GNL3: variants seen among roughly 807,000 people sequenced by gnomAD.
GNL3 encodes guanine nucleotide-binding protein-like 3.
In GNL3, 77 loss-of-function variants were observed where a neutral mutation model predicts 70.6. The observed-to-expected ratio is 1.09, with a 90% CI of 0.91 to 1.32. The LOEUF is 1.32. Among genes scored for constraint, GNL3 ranks in the 40% most tolerant of loss-of-function variants. The pLI is 0.00. For missense variants in GNL3, 634 were observed against 644.0 expected, an observed-to-expected ratio of 0.98 and a Z score of 0.17; for synonymous variants, 252 against 216.1, an observed-to-expected ratio of 1.17 and a Z score of -1.46.
rs71087009 is a variant in GNL3, at chr3:52,692,369, A to ACTTTTTTTTTTTTTTTTTTT, written c.870-503_870-502insCTTTTTTTTTTTTTTTTTTT. 7.3e-4 allele frequency among the ~76,000 whole-genome samples: 92 copies of ACTTTTTTTTTTTTTTTTTTT among 126,440 alleles called. 13 individuals are homozygous for ACTTTTTTTTTTTTTTTTTTT. The highest frequency in any genetic ancestry group is 1.3e-3 in the African/African-American group (43 of 32,222). The allele number at this position is 126,440 out of a possible 152,430, so 82.9% of individuals were successfully genotyped here. ...GCCACTGTGCCTGGCCAACTTTTAG[A>ACTTTTTTTTTTTTTTTTTTT]TTTTTTTTTTTTGGGAGATGGAGTC... On this transcript the variant is annotated intron_variant, in intron 9 of 14. Transcript: ENST00000418458.
intron 6 of GNL3, 93 bp from the exon 7 acceptor site, chr3:52,690,499 G>T (rs558166565): frequency 1.4e-6 from 1 of 713,806 alleles, no homozygotes; most frequent in African/African-American, 1.8e-5. Flanking sequence ...TCCTGAACTC[G>T]TGATCCGCCT....
intron 10 of GNL3, 29 bp downstream of exon 10, chr3:52,693,075 T>G (rs1329114387): frequency 2.5e-6 from 4 of 1,610,092 alleles, no homozygotes; most frequent in Non-Finnish European, 1.7e-6. Context: ...ATGAGCTCCT[T>G]GGAGCCATCT....
chr3:52,689,025 G>T lies in GNL3; in HGVS notation c.409-49G>T, dbSNP rs1011544527. ...TTACCAGAACAAGGGATGTAGTTCT[G>T]ATCATTTTCTCCTTGATAATGTAGT... is the stretch of plus-strand genomic sequence containing the variant. On this transcript the variant is annotated intron_variant, in intron 5 of 14. Coordinates refer to ENST00000418458, the MANE Select transcript of GNL3 (RefSeq NM_014366.5). The T allele has an allele frequency of 3.9e-6, 6 of 1,529,420 alleles. No individual in the cohort carries two copies. In the African/African-American group the frequency reaches 8.2e-5, roughly 21 times the overall value. The allele number at this position is 1,529,420 out of a possible 1,614,324, so 94.7% of individuals were successfully genotyped here. A position where few individuals can be genotyped will look rare whatever the true frequency, so the allele number is the denominator to read the frequency against.
Position 52,687,849 on chromosome 3 carries a change from G to GCCAAGGC in GNL3, c.324+234_324+235insCCAAGGC. 8.4e-6 allele frequency: 5 copies of GCCAAGGC among 592,500 alleles called. No homozygotes were observed. In the South Asian group the frequency reaches 1.0e-4, roughly 12 times the overall value. The allele number at this position is 592,500 out of a possible 1,614,324, so 36.7% of individuals were successfully genotyped here. A position where few individuals can be genotyped will look rare whatever the true frequency, so the allele number is the denominator to read the frequency against. On this transcript the variant is annotated intron_variant, in intron 4 of 14. Transcript: ENST00000418458. ...ACTATATTGCCAAGGCTGGTCTCAA[G>GCCAAGGC]TGATCCACCCAACTCAGCCTCCCGA...
intron 5 of GNL3, 161 bp from the exon 6 acceptor site, chr3:52,688,913 C>G (rs114535630): frequency 1.5e-6 from 1 of 649,208 alleles, no homozygotes; most frequent in Non-Finnish European, 2.7e-6. Flanking sequence ...GGTCAACATT[C>G]TTCATACCAA....
chr3:52,691,612 A>C lies in GNL3; in HGVS notation c.852A>C (p.Val284=), dbSNP rs1260245658. The C allele has an allele frequency of 6.3e-6, 10 of 1,575,156 alleles. No homozygotes were observed. The highest frequency in any genetic ancestry group is 8.7e-6 in the Non-Finnish European group (10 of 1,144,808). The change falls in exon 9 of 15, where the codon GTA becomes GTC. Residue 284 remains valine (V), a synonymous_variant. Transcript: ENST00000418458. The part of the protein sequence containing the change: ...LKQEQMCNVG[V]SMGLTRSMQV... ...AAGAACAGATGTGTAATGTTGGTGT[A>C]TCCATGGGGCTTACAAGGTAAATGG...
At chr3:52,692,429 G>C (rs926268774) in intron 9 of GNL3, among the ~76,000 whole-genome samples, 1 of 142,954 alleles carries the variant, frequency 7.0e-6, no homozygotes, top group African/African-American at 2.6e-5. Context: ...GTGCTATCTT[G>C]GCTCACTGCA....
rs72960216 is a variant in GNL3 at position 52,691,996 on chromosome 3, G to A, written c.869+367G>A. Among the ~76,000 whole-genome samples the A allele has an allele frequency of 8.2e-3, 1,249 of 151,912 alleles. 23 individuals are homozygous for A. The highest frequency in any genetic ancestry group is 0.029 in the African/African-American group (1,183 of 41,406). ...GGTTACAGGCCAAGCCACCGCGCCCGGCCTATTTTTATTTTTTAAAGCTTT... is the reference window on the plus strand; with the variant it reads ...GGTTACAGGCCAAGCCACCGCGCCCAGCCTATTTTTATTTTTTAAAGCTTT... On this transcript the variant is annotated intron_variant, in intron 9 of 14. Transcript: ENST00000418458.
chr3:52,689,651 A>G (rs1178875040), intron 6 of GNL3, among the ~76,000 whole-genome samples: 1 of 152,230 alleles, frequency 6.6e-6, no homozygotes, highest in African/African-American at 2.4e-5. Flanking sequence ...AGAATTACAA[A>G]GCAGAAAATG....
intron 7 of GNL3, 92 bp from the exon 8 acceptor site, chr3:52,690,853 C>T (rs2154099612): frequency 7.4e-7 from 1 of 1,345,196 alleles, no homozygotes; most frequent in Non-Finnish European, 1.1e-6. Flanking sequence ...ATGTAGTTAT[C>T]TTAAGAGCTG....
chr3:52,688,030 A>T, intron 4 of GNL3, 79 bp from the exon 5 acceptor site: 1 of 812,298 alleles, frequency 1.2e-6, no homozygotes, highest in Non-Finnish European at 2.2e-6. Flanking sequence ...AAGGGCTGCT[A>T]CTCAGCTGTG....
At chr3:52,691,506 A>T in intron 8 of GNL3, 36 bp from the exon 9 acceptor site, 1 of 1,217,484 alleles carries the variant, frequency 8.2e-7, no homozygotes, top group Non-Finnish European at 1.2e-6. Flanking sequence ...CCAACATATA[A>T]TGCTTTTTAT....
chr3:52,692,841 G>A (rs1484664446), intron 9 of GNL3, 31 bp from the exon 10 acceptor site: 2 of 1,571,554 alleles, frequency 1.3e-6, no homozygotes, highest in African/African-American at 1.3e-5. Flanking sequence ...ATAGACCAAT[G>A]CCCCCATCAA....
Position 52,689,140 on chromosome 3 carries a change from C to T in GNL3, c.475C>T (p.Pro159Ser), listed in dbSNP as rs748868510. ...CAGAGATCCTCTTGGTTGCAGATGTCCTCAGGTAGAAGAGGCCATTGTCCA... is the reference window on the plus strand; with the variant it reads ...CAGAGATCCTCTTGGTTGCAGATGTTCTCAGGTAGAAGAGGCCATTGTCCA... ...DARDPLGCRC[P>S]QVEEAIVQSG... Residue 159 changes from proline to serine, a missense_variant, in exon 6 of 15, where the codon CCT becomes TCT. Transcript: ENST00000418458. 1.2e-6 allele frequency: 2 copies of T among 1,611,766 alleles called. No individual in the cohort carries two copies. The highest frequency in any genetic ancestry group is 1.7e-6 in the Non-Finnish European group (2 of 1,177,848).
In GNL3 at chr3:52,687,234, TTA is replaced by T. The variant is rs1177838776; in HGVS notation, c.73-10_73-9del. 2.5e-6 allele frequency: 4 copies of T among 1,597,126 alleles called. No homozygotes were observed. The highest frequency in any genetic ancestry group is 3.4e-6 in the Non-Finnish European group (4 of 1,172,940). ...ATTTTTGTAAGCAGACAAAATCTCTTTATTTTAATAGGTTCGAGAACATCATC... is the reference window on the plus strand; with the variant it reads ...ATTTTTGTAAGCAGACAAAATCTCTTTTTTAATAGGTTCGAGAACATCATC... On this transcript the variant is annotated splice_polypyrimidine_tract_variant and intron_variant, in intron 2 of 14. Transcript: ENST00000418458.
chr3:52,686,089 C>T lies in GNL3; in HGVS notation c.-4C>T, dbSNP rs945615428. ...ATGTGTTTGTGCTTCCTTCTACAGC[C>T]AATATGAAAAGGCCTAGTAAGTGGG... On this transcript the variant is annotated 5_prime_UTR_variant, in exon 1 of 15. Coordinates refer to ENST00000418458, the MANE Select transcript of GNL3 (RefSeq NM_014366.5). 1 of 1,395,922 alleles carries T rather than the reference C, an allele frequency of 7.2e-7. No individual in the cohort carries two copies. The highest frequency in any genetic ancestry group is 1.0e-6 in the Non-Finnish European group (1 of 980,434). 86.5% of individuals were successfully genotyped at this position (1,395,922 alleles called of 1,614,324 possible).
Position 52,694,091 on chromosome 3 carries a change from G to A in GNL3, c.1555G>A (p.Glu519Lys), listed in dbSNP as rs199852414. The change falls in exon 14 of 15, where the codon GAG (glutamate) becomes AAG (lysine). Residue 519 changes from glutamate to lysine, a missense_variant. Transcript: ENST00000418458. The stretch of plus-strand genomic sequence containing the variant: ...AGAGACAGGGGAGGCACTGTCTGAG[G>A]AGACTACAGCAGGTGAGGCAGGCAA... ...AEETGEALSE[E>K]TTAGEQSTRS... 7.3e-5 allele frequency: 118 copies of A among 1,612,920 alleles called. No individual in the cohort carries two copies. Among genetic ancestry groups the A allele is most frequent in the Non-Finnish European group, 9.7e-5 (114 of 1,178,972 alleles).
Position 52,691,091 on chromosome 3 carries a change from T to G in GNL3, c.781+20T>G, listed in dbSNP as rs750663688. ...TAATTGGTGAGTTTCAGTTCATTAC[T>G]TTTTACTTTTTAAGTGTTGAAATAG... On this transcript the variant is annotated intron_variant, in intron 8 of 14. Transcript: ENST00000418458. The G allele has an allele frequency of 1.2e-6, 2 of 1,608,684 alleles. No individual in the cohort carries two copies. Among genetic ancestry groups the G allele is most frequent in the East Asian group, 4.5e-5 (2 of 44,854 alleles).
chr3:52,687,756 C>T, intron 4 of GNL3, 141 bp downstream of exon 4: 3 of 622,838 alleles, frequency 4.8e-6, no homozygotes, highest in East Asian at 5.5e-5. Flanking sequence ...CCTCAGTCTC[C>T]AAGTAGCTGG....
Sources: allele counts gnomAD v4.1 joint callset (sites outside exome capture counted in the v4.1 genomes callset), GRCh38; gene constraint gnomAD v4.1.1; transcripts MANE v1.5; gene names NCBI Gene and HGNC (gene_info 2026-07-23, HGNC 2026-07-21).